GNB5: variants seen among roughly 807,000 people sequenced by gnomAD.
GNB5 encodes the protein G protein subunit beta 5.
Under a neutral mutation model 55.3 loss-of-function variants are expected in GNB5, and 37 were observed. The ratio of observed to expected loss-of-function variants is 0.67; its 90% CI spans 0.51 to 0.88. The LOEUF (loss-of-function observed/expected upper bound fraction) is 0.88, where lower values mean the gene tolerates loss of function less well. Ranked by LOEUF, GNB5 falls within the 40% of genes least tolerant of loss-of-function variation. The pLI, the probability that GNB5 is intolerant of heterozygous loss-of-function variation, is 0.00. For synonymous variants in GNB5, 219 were observed against 198.5 expected, an observed-to-expected ratio of 1.10 and a Z score of -0.87; for missense variants, 476 against 515.3, an observed-to-expected ratio of 0.92 and a Z score of 0.74.
chr15:52,150,586 C>A (rs1185587396), intron 4 of GNB5, among the ~76,000 whole-genome samples: 1 of 152,210 alleles, frequency 6.6e-6, no homozygotes, highest in Non-Finnish European at 1.5e-5. Flanking sequence ...GTGGTGGGAA[C>A]CCCTGTGGGC....
intron 11 of GNB5, 28 bp downstream of exon 11, chr15:52,125,920 G>C (rs368016323): frequency 3.2e-6 from 3 of 937,700 alleles, no homozygotes; most frequent in African/African-American, 1.6e-5. Context: ...TTACAGTCCT[G>C]GGAAAAGTTT....
At chr15:52,129,027 C>T (rs1313832262) in intron 9 of GNB5, among the ~76,000 whole-genome samples, 2 of 149,692 alleles carry the variant, frequency 1.3e-5, no homozygotes, top group Non-Finnish European at 3.0e-5. Context: ...GTGAACTTGG[C>T]TCACTACAAC....
In GNB5 at chr15:52,184,533, T is replaced by G; in HGVS notation, c.126+18A>C. ...TGTTTTAAGACAGATAACTGAATTT[T>G]TTTTAAGTGGCACTTACAATTTCTG... is the stretch of plus-strand genomic sequence containing the variant. On this transcript the variant is annotated intron_variant, in intron 2 of 12. Transcript: ENST00000261837. 1.2e-6 allele frequency: 2 copies of G among 1,611,098 alleles called. No individual in the cohort carries two copies. Among genetic ancestry groups the G allele is most frequent in the Non-Finnish European group, 1.7e-6 (2 of 1,177,482 alleles).
intron 5 of GNB5, 47 bp from the exon 6 acceptor site, chr15:52,147,582 C>CT (rs751616514): frequency 0.07 from 53,083 of 762,856 alleles, 11 homozygotes; most frequent in East Asian, 0.11. Context: ...ACACAAAAAT[C>CT]TTTTTTTTTT....
rs1052139405 is a variant in GNB5 at position 52,136,945 on chromosome 15, G to A, written c.628-1189C>T. The A allele has an allele frequency of 2.9e-5, 13 of 451,612 alleles. No homozygotes were observed. In the Admixed American group the frequency reaches 3.1e-4, roughly 11 times the overall value. The allele number at this position is 451,612 out of a possible 1,614,324, so 28.0% of individuals were successfully genotyped here. On this transcript the variant is annotated intron_variant, in intron 7 of 12. Transcript: ENST00000261837. ...CTTGCTGCAGAAAATACCTGCTCCT[G>A]GGAGAAAAGACTGTGAATCGATTAG...
chr15:52,145,407 A>G (rs1351204882), intron 6 of GNB5, among the ~76,000 whole-genome samples: 2 of 151,978 alleles, frequency 1.3e-5, no homozygotes, highest in Non-Finnish European at 2.9e-5. Flanking sequence ...TGGGAGGCTG[A>G]GGCAGGCAGA....
intron 7 of GNB5, chr15:52,138,862 T>G (rs1020974883): frequency 1.3e-5 from 2 of 152,260 alleles, no homozygotes; most frequent in Admixed American, 1.3e-4. Flanking sequence ...CTAATACTTT[T>G]CAATTTTGTG....
chr15:52,159,193 C>A (rs1167771504), intron 3 of GNB5, among the ~76,000 whole-genome samples: 2 of 152,118 alleles, frequency 1.3e-5, no homozygotes, highest in African/African-American at 4.8e-5. Context: ...GCGCTGTACA[C>A]CCATGACAGA....
Position 52,142,395 on chromosome 15 carries a change from G to A in GNB5, c.495-1123C>T, listed in dbSNP as rs116988990. Among the ~76,000 whole-genome samples the A allele has an allele frequency of 4.9e-3, 741 of 152,154 alleles. 17 individuals are homozygous for A. The highest frequency in any genetic ancestry group is 0.025 in the East Asian group (128 of 5,182). Reference sequence around the variant, plus strand: ...GTGATTTATTTTGATAATGTCTTCCGTATTTATTAGCTGGTGTTTTTCTGT... The same window carrying A: ...GTGATTTATTTTGATAATGTCTTCCATATTTATTAGCTGGTGTTTTTCTGT... On this transcript the variant is annotated intron_variant, in intron 6 of 12. Coordinates refer to ENST00000261837, the MANE Select transcript of GNB5 (RefSeq NM_016194.4).
At chr15:52,183,313 A>G (rs1045911685) in intron 2 of GNB5, among the ~76,000 whole-genome samples, 1 of 139,460 alleles carries the variant, frequency 7.2e-6, no homozygotes, top group African/African-American at 2.6e-5. Flanking sequence ...AAAAAGCAGA[A>G]GAGTTAGATT....
At chr15:52,156,374 G>C (rs1259563496) in intron 3 of GNB5, among the ~76,000 whole-genome samples, 1 of 152,110 alleles carries the variant, frequency 6.6e-6, no homozygotes, top group Non-Finnish European at 1.5e-5. Flanking sequence ...TCATTTCCTT[G>C]TGATAAAAGA....
chr15:52,174,373 A>T (rs763826930), intron 3 of GNB5, among the ~76,000 whole-genome samples: 13 of 152,220 alleles, frequency 8.5e-5, no homozygotes, highest in Non-Finnish European at 1.9e-4. Flanking sequence ...CTTGGAATCA[A>T]GCGAGGTAGT....
chr15:52,187,099 T>G (rs2034856575), intron 1 of GNB5, among the ~76,000 whole-genome samples: 1 of 152,178 alleles, frequency 6.6e-6, no homozygotes, highest in African/African-American at 2.4e-5. Context: ...GGAACCCTAT[T>G]TCCAAGCTAG....
intron 8 of GNB5, 141 bp downstream of exon 8, chr15:52,135,472 G>A (rs894891560): frequency 2.6e-6 from 2 of 759,578 alleles, no homozygotes; most frequent in Non-Finnish European, 4.4e-6. Context: ...AGGAGCTGGG[G>A]GTTTAGTGGG....
At chr15:52,161,263 C>T (rs1179996372) in intron 3 of GNB5, among the ~76,000 whole-genome samples, 1 of 152,148 alleles carries the variant, frequency 6.6e-6, no homozygotes, top group Non-Finnish European at 1.5e-5. Context: ...ACAATGGCTT[C>T]TTAGTCCAGG....
chr15:52,185,321 G>A (rs2034829333), intron 1 of GNB5, among the ~76,000 whole-genome samples: 1 of 152,264 alleles, frequency 6.6e-6, no homozygotes, highest in African/African-American at 2.4e-5. Context: ...GCCCACCACT[G>A]AGGCTAGTTA....
chr15:52,182,613 TTCCACAG>T (rs1417948191), intron 2 of GNB5, among the ~76,000 whole-genome samples: 1 of 152,158 alleles, frequency 6.6e-6, no homozygotes, highest in Non-Finnish European at 1.5e-5. Context: ...GTCAGCTACA[TTCCACAG>T]TGGTTGAGAT....
chr15:52,155,806 G>A (rs2034196777), intron 3 of GNB5, among the ~76,000 whole-genome samples: 1 of 152,170 alleles, frequency 6.6e-6, no homozygotes, highest in African/African-American at 2.4e-5. Context: ...TCCCACTGCT[G>A]GTGGGGTCAC....
At chr15:52,126,137 G>A (rs1207918137) in intron 10 of GNB5, 93 bp from the exon 11 acceptor site, 11 of 656,522 alleles carry the variant, frequency 1.7e-5, no homozygotes, top group South Asian at 7.0e-5. Context: ...AGTGACTTGC[G>A]TAGTTTAAAA....
Sources: gnomAD v4.1 joint callset for allele counts (sites outside exome capture counted in the v4.1 genomes callset) on GRCh38, gnomAD v4.1.1 for gene constraint, MANE v1.5 for transcripts, NCBI Gene and HGNC (gene_info 2026-07-23, HGNC 2026-07-21) for gene names.